The following LHX2 variants were observed in gnomAD, a reference collection of about 807,000 sequenced individuals.
LHX2 encodes the protein LIM/homeobox protein Lhx2.
In LHX2, 6 loss-of-function variants were observed where a neutral mutation model predicts 33.0. That is an observed-to-expected ratio of 0.18 (90% CI 0.10 to 0.36). The LOEUF (loss-of-function observed/expected upper bound fraction) is 0.36, where lower values mean the gene tolerates loss of function less well. Ranked by LOEUF, LHX2 falls within the 10% of genes least tolerant of loss-of-function variation. LHX2 has a pLI of 1.00. For synonymous variants in LHX2, 292 were observed against 253.1 expected (o/e 1.15, Z -1.46); for missense variants, 442 against 586.2 (o/e 0.75, Z 2.54).
intron 3 of LHX2, among the ~76,000 whole-genome samples, chr9:124,017,821 G>A (rs1859218523): frequency 6.6e-6 from 1 of 152,128 alleles, no homozygotes; most frequent in Admixed American, 6.5e-5. Flanking sequence ...TTCCGGGGCG[G>A]GGCCGCAGCG....
chr9:124,032,409 G>C lies in LHX2; in HGVS notation c.934-11G>C, dbSNP rs757193576. 3.8e-5 allele frequency: 59 copies of C among 1,570,998 alleles called. No homozygotes were observed. The highest frequency in any genetic ancestry group is 4.6e-5 in the Non-Finnish European group (53 of 1,158,140). On this transcript the variant is annotated splice_polypyrimidine_tract_variant and intron_variant, in intron 4 of 4. Coordinates refer to ENST00000373615, the MANE Select transcript of LHX2 (RefSeq NM_004789.4). The surrounding 1 kb of genome is among the most constrained non-coding windows in gnomAD (Gnocchi z 4.1). ...TTCCGCTCACCAGCCCTTCCCTGTC[G>C]TCCCCCGCAGGTCTGGTTCCAGAAC...
At chr9:124,027,679 A>G (rs574024091) in intron 4 of LHX2, among the ~76,000 whole-genome samples, 10 of 152,112 alleles carry the variant, frequency 6.6e-5, no homozygotes, top group Non-Finnish European at 1.5e-4. Context: ...TTAGCCGGGC[A>G]TGGTGCCACA....
intron 3 of LHX2, among the ~76,000 whole-genome samples, chr9:124,018,806 C>A (rs951273501): frequency 1.1e-4 from 17 of 152,192 alleles, no homozygotes. Flanking sequence ...CTCTCTCTTT[C>A]TCTCCCTCCA....
In LHX2 at chr9:124,015,603, ATC is replaced by A; in HGVS notation, c.727+82_727+83del. The stretch of plus-strand genomic sequence containing the variant: ...CCTCGACGGCCGGGAGCTGGATTGA[ATC>A]TCTGTGTGCTGGGCAAATAGCGAGC... On this transcript the variant is annotated intron_variant, in intron 3 of 4. Transcript: ENST00000373615. This position sits in a 1 kb window ranked among gnomAD's most constrained non-coding sequence, Gnocchi z 7.9. 7.2e-7 allele frequency: 1 copy of A among 1,395,652 alleles called. No individual in the cohort carries two copies. Among genetic ancestry groups the A allele is most frequent in the Non-Finnish European group, 9.5e-7 (1 of 1,055,292 alleles). 86.5% of individuals were successfully genotyped at this position (1,395,652 alleles called of 1,614,324 possible). A position where few individuals can be genotyped will look rare whatever the true frequency, so the allele number is the denominator to read the frequency against.
At chr9:124,026,304 A>G (rs1165282811) in intron 4 of LHX2, among the ~76,000 whole-genome samples, 1 of 151,900 alleles carries the variant, frequency 6.6e-6, no homozygotes, top group Non-Finnish European at 1.5e-5. Context: ...CTAAAAACAC[A>G]AAAATTAGCT....
At chr9:124,031,207 C>G in intron 4 of LHX2, among the ~76,000 whole-genome samples, 1 of 152,138 alleles carries the variant, frequency 6.6e-6, no homozygotes, top group East Asian at 1.9e-4. Flanking sequence ...CGCTGCCTAC[C>G]TCCACCCACC....
Position 124,012,845 on chromosome 9 carries a change from G to A in LHX2, c.120+377G>A, listed in dbSNP as rs550687080. 1.9e-4 allele frequency among the ~76,000 whole-genome samples: 29 copies of A among 152,346 alleles called. No individual in the cohort carries two copies. The highest frequency in any genetic ancestry group is 6.5e-4 in the African/African-American group (27 of 41,584). ...TGGCGGCGCCGCGAGCGGCGCCAGG[G>A]AAGGGCGAACCAGCTGGGAGCATTG... On this transcript the variant is annotated intron_variant, in intron 1 of 4. Transcript: ENST00000373615. The surrounding 1 kb of genome is among the most constrained non-coding windows in gnomAD (Gnocchi z 4.3).
intron 4 of LHX2, among the ~76,000 whole-genome samples, chr9:124,024,379 C>T (rs1255447828): frequency 6.6e-6 from 1 of 152,242 alleles, no homozygotes; most frequent in African/African-American, 2.4e-5. Flanking sequence ...TGGGGCTTGC[C>T]CCCAGGTGCC....
chr9:124,032,808 C>A lies in LHX2; in HGVS notation c.*101C>A. The A allele has an allele frequency of 7.6e-7, 1 of 1,314,658 alleles. No homozygotes were observed. Among genetic ancestry groups the A allele is most frequent in the Non-Finnish European group, 1.0e-6 (1 of 963,210 alleles). 81.4% of individuals were successfully genotyped at this position (1,314,658 alleles called of 1,614,324 possible). On this transcript the variant is annotated 3_prime_UTR_variant, in exon 5 of 5. Transcript: ENST00000373615. This position sits in a 1 kb window ranked among gnomAD's most constrained non-coding sequence, Gnocchi z 4.1. ...ATAGAGGCTTTGAGCAACTAACTAA[C>A]CACATTTTAGGATCTCGCCTGGAAA...
intron 3 of LHX2, among the ~76,000 whole-genome samples, chr9:124,018,378 T>G (rs1333282715): frequency 6.6e-6 from 1 of 151,494 alleles, no homozygotes; most frequent in African/African-American, 2.4e-5. Context: ...CCCCGGGCAC[T>G]GGGGGCGGGA....
Position 124,012,592 on chromosome 9 carries a change from C to G in LHX2, c.120+124C>G. On this transcript the variant is annotated intron_variant, in intron 1 of 4. Coordinates refer to ENST00000373615, the MANE Select transcript of LHX2 (RefSeq NM_004789.4). The surrounding 1 kb of genome is among the most constrained non-coding windows in gnomAD (Gnocchi z 4.3). ...CACGGGACTGGGTGCTGGGGATCCT[C>G]GGTCAGAATGCAAGGCCGGTGGCTC... The G allele has an allele frequency of 8.5e-7, 1 of 1,182,532 alleles. No individual in the cohort carries two copies. Among genetic ancestry groups the G allele is most frequent in the Non-Finnish European group, 1.1e-6 (1 of 909,826 alleles). 73.3% of individuals were successfully genotyped at this position (1,182,532 alleles called of 1,614,324 possible).
In LHX2 at chr9:124,021,236, C is replaced by T; in HGVS notation, c.865C>T (p.His289Tyr). ...RTMKSYFAIN[H>Y]NPDAKDLKQL... ...CATGAAGTCTTACTTTGCCATTAAC[C>T]ACAACCCCGACGCCAAGGACTTGAA... Residue 289 changes from histidine (H) to tyrosine (Y), a missense_variant, in exon 4 of 5, where the codon CAC (histidine) becomes TAC (tyrosine). His to Tyr is a moderately conservative substitution (Grantham distance 83). Coordinates refer to ENST00000373615, the MANE Select transcript of LHX2 (RefSeq NM_004789.4). The T allele has an allele frequency of 6.2e-7, 1 of 1,614,234 alleles. No homozygotes were observed. The highest frequency in any genetic ancestry group is 8.5e-7 in the Non-Finnish European group (1 of 1,180,046).
chr9:124,031,927 T>C (rs1828708270), intron 4 of LHX2: 1 of 152,502 alleles, frequency 6.6e-6, no homozygotes, highest in Non-Finnish European at 1.5e-5. Context: ...AAATTTTTGT[T>C]TTATTTTATT....
In LHX2 at chr9:124,032,397, C is replaced by T; in HGVS notation, c.934-23C>T. ...GCTCTGCCTGCCTTCCGCTCACCAG[C>T]CCTTCCCTGTCGTCCCCCGCAGGTC... On this transcript the variant is annotated intron_variant, in intron 4 of 4. Coordinates refer to ENST00000373615, the MANE Select transcript of LHX2 (RefSeq NM_004789.4). The surrounding 1 kb of genome is among the most constrained non-coding windows in gnomAD (Gnocchi z 4.1). 6.4e-7 allele frequency: 1 copy of T among 1,560,248 alleles called. No homozygotes were observed. Among genetic ancestry groups the T allele is most frequent in the Non-Finnish European group, 8.7e-7 (1 of 1,153,252 alleles).
chr9:124,023,110 C>T (rs1859323070), intron 4 of LHX2, among the ~76,000 whole-genome samples: 2 of 152,212 alleles, frequency 1.3e-5, no homozygotes, highest in African/African-American at 4.8e-5. Context: ...CGTCCCCTCC[C>T]TTCAGCCGTG....
chr9:124,020,777 C>A (rs1487472362), intron 3 of LHX2, among the ~76,000 whole-genome samples: 1 of 152,144 alleles, frequency 6.6e-6, no homozygotes, highest in African/African-American at 2.4e-5. Flanking sequence ...CGGCCATCAA[C>A]AAGTCGTAGC....
At chr9:124,029,333 CG>C (rs1400684771) in intron 4 of LHX2, among the ~76,000 whole-genome samples, 1 of 152,026 alleles carries the variant, frequency 6.6e-6, no homozygotes, top group African/African-American at 2.4e-5. Flanking sequence ...TGCCATGCAC[CG>C]GGGGACATGA....
At chr9:124,018,087 A>G (rs1859225185) in intron 3 of LHX2, among the ~76,000 whole-genome samples, 1 of 151,760 alleles carries the variant, frequency 6.6e-6, no homozygotes, top group East Asian at 1.9e-4. Flanking sequence ...ATTTGATTCC[A>G]ATCCATTATT....
At chr9:124,028,723 G>C (rs73581676) in intron 4 of LHX2, among the ~76,000 whole-genome samples, 503 of 152,272 alleles carry the variant, frequency 3.3e-3, no homozygotes, top group African/African-American at 0.012. Context: ...GACTCTTTTA[G>C]GGCAAGTGGT....
Sources: gnomAD v4.1 joint callset for allele counts (sites outside exome capture counted in the v4.1 genomes callset) on GRCh38, gnomAD v4.1.1 for gene constraint, Gnocchi (gnomAD v3.1) non-coding constraint, MANE v1.5 for transcripts, NCBI Gene and HGNC (gene_info 2026-07-23, HGNC 2026-07-21) for gene names.